The following SKI variants were observed in gnomAD, a reference collection of about 807,000 sequenced individuals.
SKI encodes the protein ski oncogene.
Under a neutral mutation model 59.3 loss-of-function variants are expected in SKI, and 23 were observed. The observed-to-expected ratio is 0.39, with a 90% confidence interval of 0.28 to 0.55. SKI has a LOEUF of 0.55. SKI is among the 20% of genes least tolerant of loss of function. SKI has a pLI of 0.67. For missense variants in SKI, 1,017 were observed against 1,038.9 expected, an observed-to-expected ratio of 0.98 and a Z score of 0.29; for synonymous variants, 673 against 488.6, an observed-to-expected ratio of 1.38 and a Z score of -4.98.
chr1:2,238,175 T>C (rs1187198584), intron 1 of SKI, among the ~76,000 whole-genome samples: 1 of 152,224 alleles, frequency 6.6e-6, no homozygotes. Context: ...TCATTGTCCG[T>C]GCTCAGAGAA....
At chr1:2,275,857 G>A (rs943650778) in intron 1 of SKI, among the ~76,000 whole-genome samples, 6 of 151,956 alleles carry the variant, frequency 3.9e-5, no homozygotes, top group Admixed American at 2.0e-4. Context: ...GGCTCTTTGG[G>A]AGGGAGAGTC....
At chr1:2,238,512 C>T (rs1346718014) in intron 1 of SKI, among the ~76,000 whole-genome samples, 1 of 152,222 alleles carries the variant, frequency 6.6e-6, no homozygotes, top group East Asian at 1.9e-4. Flanking sequence ...CCGGGCACTC[C>T]CAGCCTTGAG....
intron 1 of SKI, among the ~76,000 whole-genome samples, chr1:2,234,844 G>A (rs1035807180): frequency 3.3e-5 from 5 of 152,196 alleles, no homozygotes; most frequent in Non-Finnish European, 7.3e-5. Flanking sequence ...TGGGAGAGCT[G>A]GAAAAGAAGG....
At chr1:2,300,817 G>A (rs1216953268) in intron 1 of SKI, among the ~76,000 whole-genome samples, 1 of 152,104 alleles carries the variant, frequency 6.6e-6, no homozygotes, top group Non-Finnish European at 1.5e-5. Flanking sequence ...ATGGCCCTGA[G>A]CCCATCTGCC....
intron 1 of SKI, among the ~76,000 whole-genome samples, chr1:2,241,042 C>CA (rs1638859185): frequency 6.6e-6 from 1 of 152,210 alleles, no homozygotes. Flanking sequence ...TGGCCTCTGC[C>CA]ATTTTCTGCC....
chr1:2,279,630 G>A (rs1569798114), intron 1 of SKI, among the ~76,000 whole-genome samples: 1 of 152,146 alleles, frequency 6.6e-6, no homozygotes, highest in East Asian at 1.9e-4. Flanking sequence ...CTGAAGGGGG[G>A]AGTCGGCTTG....
At chr1:2,252,032 C>T (rs1639161981) in intron 1 of SKI, among the ~76,000 whole-genome samples, 1 of 152,098 alleles carries the variant, frequency 6.6e-6, no homozygotes, top group Non-Finnish European at 1.5e-5. Flanking sequence ...CTGGTCTTTG[C>T]CAGTGCTCTG....
At chr1:2,236,882 T>C (rs1303638234) in intron 1 of SKI, among the ~76,000 whole-genome samples, 1 of 152,204 alleles carries the variant, frequency 6.6e-6, no homozygotes, top group Non-Finnish European at 1.5e-5. Flanking sequence ...CGGCTTCTGC[T>C]GGAACGTCGG....
Position 2,304,008 on chromosome 1 carries a change from C to T in SKI, c.1380C>T (p.Asp460=). ...CTCGGAAGCGGAAGCTGACTGTGGA[C>T]ACCCCAGGAGCCCCAGAGACGCTGG... The part of the protein sequence containing the change: ...TQPRKRKLTV[D]TPGAPETLAP... Residue 460 remains aspartate, a synonymous_variant, in exon 4 of 7, where the codon GAC becomes GAT. Transcript: ENST00000378536. 1.2e-6 allele frequency: 2 copies of T among 1,612,568 alleles called. No homozygotes were observed. Among genetic ancestry groups the T allele is most frequent in the Non-Finnish European group, 1.7e-6 (2 of 1,179,880 alleles).
intron 1 of SKI, among the ~76,000 whole-genome samples, chr1:2,297,171 A>C (rs2100905516): frequency 6.6e-6 from 1 of 152,086 alleles, no homozygotes; most frequent in East Asian, 1.9e-4. Context: ...TAGTGGTGGG[A>C]TCATACCTCA....
intron 1 of SKI, among the ~76,000 whole-genome samples, chr1:2,285,511 G>C (rs942295505): frequency 6.6e-6 from 1 of 150,684 alleles, no homozygotes; most frequent in African/African-American, 2.4e-5. Flanking sequence ...GCAAAAGTCT[G>C]TCTCAAAAAC....
intron 5 of SKI, among the ~76,000 whole-genome samples, chr1:2,305,169 T>C (rs1233449703): frequency 6.6e-6 from 1 of 152,214 alleles, no homozygotes; most frequent in Non-Finnish European, 1.5e-5. Context: ...GCTGCTTCTC[T>C]GGGCTCTGCC....
chr1:2,254,333 C>T (rs193244567), intron 1 of SKI, among the ~76,000 whole-genome samples: 37 of 152,250 alleles, frequency 2.4e-4, no homozygotes, highest in African/African-American at 7.9e-4. Context: ...GCTCTCCCCC[C>T]GTGGGTCTTC....
intron 1 of SKI, among the ~76,000 whole-genome samples, chr1:2,275,053 A>G (rs890846954): frequency 6.6e-6 from 1 of 152,134 alleles, no homozygotes; most frequent in Non-Finnish European, 1.5e-5. Flanking sequence ...GCGGCCTCAC[A>G]GGGGGTGGCA....
intron 1 of SKI, among the ~76,000 whole-genome samples, chr1:2,291,559 G>A (rs1321890242): frequency 6.6e-6 from 1 of 152,252 alleles, no homozygotes; most frequent in Non-Finnish European, 1.5e-5. Flanking sequence ...TGCAGAGGGA[G>A]CCCTCCCCGG....
rs369090536 is a variant in SKI at position 2,229,144 on chromosome 1, T to C, written c.378T>C (p.Ile126=). The stretch of plus-strand genomic sequence containing the variant: ...AGAAGCGCCTGTGTCTGCCGCAGAT[T>C]CTCAACTCGGTGCTGCGCGACTTCT... ...GGEKRLCLPQ[I]LNSVLRDFSL... is the part of the protein sequence containing the mutation. Residue 126 remains isoleucine, a synonymous_variant, in exon 1 of 7, where the codon ATT becomes ATC. Coordinates refer to ENST00000378536, the MANE Select transcript of SKI (RefSeq NM_003036.4). The surrounding 1 kb of genome is among the most constrained non-coding windows in gnomAD (Gnocchi z 6.3). The C allele has an allele frequency of 3.1e-6, 5 of 1,611,654 alleles. No individual in the cohort carries two copies. The African/African-American group carries it at 6.7e-5, about 22-fold the overall frequency.
intron 1 of SKI, among the ~76,000 whole-genome samples, chr1:2,245,997 C>T (rs1424953660): frequency 2.7e-5 from 4 of 150,044 alleles, no homozygotes; most frequent in South Asian, 2.1e-4. Context: ...GGTTTCGCCA[C>T]GTTGGCCAGG....
intron 1 of SKI, among the ~76,000 whole-genome samples, chr1:2,262,528 C>G (rs1052106685): frequency 4.0e-5 from 6 of 151,346 alleles, no homozygotes; most frequent in Non-Finnish European, 8.8e-5. Flanking sequence ...CGCTCCTGAT[C>G]TCCTGGTCTG....
intron 1 of SKI, among the ~76,000 whole-genome samples, chr1:2,278,647 C>G (rs1419525838): frequency 6.6e-6 from 1 of 151,724 alleles, no homozygotes; most frequent in East Asian, 1.9e-4. Context: ...GGTGGGGTCT[C>G]TCTGGGGCCT....
Sources: allele counts gnomAD v4.1 joint callset (sites outside exome capture counted in the v4.1 genomes callset), GRCh38; gene constraint gnomAD v4.1.1; non-coding constraint Gnocchi (gnomAD v3.1); transcripts MANE v1.5; gene names NCBI Gene and HGNC (gene_info 2026-07-23, HGNC 2026-07-21).